The following CLDN14 variants were observed in gnomAD, a reference collection of about 807,000 sequenced individuals.
CLDN14 encodes claudin-14.
In CLDN14, 2 loss-of-function variants were observed where a neutral mutation model predicts 2.1. The observed-to-expected ratio is 0.96, with a 90% CI of 0.39 to 3.01. The LOEUF (loss-of-function observed/expected upper bound fraction) is 3.01. Among genes scored for constraint, CLDN14 ranks in the 30% most tolerant of loss-of-function variants. CLDN14 has a pLI of 0.09. For missense variants in CLDN14, 298 were observed against 328.0 expected (o/e 0.91, Z 0.71); for synonymous variants, 136 against 154.4 (o/e 0.88, Z 0.88).
At chr21:36,541,167 G>A (rs2835389) in intron 1 of CLDN14, among the ~76,000 whole-genome samples, 73,259 of 152,050 alleles carry the variant, frequency 0.48, 19,803 homozygotes, top group Middle Eastern at 0.62. Flanking sequence ...GAACATGGAA[G>A]TCAACAGTAA....
intron 2 of CLDN14, among the ~76,000 whole-genome samples, chr21:36,488,460 C>T (rs1272611694): frequency 2.0e-5 from 3 of 151,942 alleles, no homozygotes; most frequent in Non-Finnish European, 2.9e-5. Context: ...TTAGTAGAGA[C>T]GGGGTTTCAC....
At position 36,507,634 on chromosome 21, in the gene CLDN14, C is replaced by T. The variant is rs369637472; in HGVS notation, c.-82+2729G>A. ...CAAAAATTAGTTGGGTGTGGTGGCACGCACGTGTAATCCCAGCTACTTGGC... is the reference window on the plus strand; with the variant it reads ...CAAAAATTAGTTGGGTGTGGTGGCATGCACGTGTAATCCCAGCTACTTGGC... On this transcript the variant is annotated intron_variant, in intron 2 of 2. Coordinates refer to the CLDN14 transcript ENST00000342108. Among the ~76,000 whole-genome samples, 7 of 152,170 alleles carry T rather than the reference C, an allele frequency of 4.6e-5. No homozygotes were observed. In the South Asian group the frequency reaches 1.0e-3, roughly 23 times the overall value.
intron 1 of CLDN14, among the ~76,000 whole-genome samples, chr21:36,478,722 C>A (rs150743822): frequency 6.6e-6 from 1 of 152,152 alleles, no homozygotes; most frequent in Non-Finnish European, 1.5e-5. Context: ...TTGAACACTG[C>A]GGGAATTAAA....
intron 1 of CLDN14, among the ~76,000 whole-genome samples, chr21:36,469,511 G>C (rs927182629): frequency 2.0e-5 from 3 of 152,220 alleles, no homozygotes; most frequent in South Asian, 2.1e-4. Context: ...GAAAACCAAT[G>C]TGAAGTATCT....
rs1489593107 is a variant in CLDN14 at position 36,461,438 on chromosome 21, G to T, written c.258C>A (p.Ile86=). 2 of 1,613,390 alleles carry T rather than the reference G, an allele frequency of 1.2e-6. No individual in the cohort carries two copies. Among genetic ancestry groups the T allele is most frequent in the East Asian group, 4.5e-5 (2 of 44,882 alleles). Residue 86 remains isoleucine (I), a synonymous_variant, in exon 2 of 2, where the codon ATC becomes ATA. Coordinates refer to ENST00000399135, the MANE Select transcript of CLDN14 (RefSeq NM_001146079.2). ...DLQAARALMV[I]SCLLSGIACA... ...AGGCTATGCCCGAGAGCAGGCAGGA[G>T]ATGACCATGAGGGCGCGGGCAGCCT... is the stretch of plus-strand genomic sequence containing the variant.
At chr21:36,490,981 CA>C (rs1478499193) in intron 2 of CLDN14, among the ~76,000 whole-genome samples, 14 of 150,488 alleles carry the variant, frequency 9.3e-5, no homozygotes, top group African/African-American at 2.2e-4. Flanking sequence ...CACACACACA[CA>C]CACACACCCC....
At chr21:36,570,561 G>A (rs1287924179) in intron 1 of CLDN14, among the ~76,000 whole-genome samples, 2 of 152,116 alleles carry the variant, frequency 1.3e-5, no homozygotes, top group African/African-American at 4.8e-5. Context: ...AACAAGGACG[G>A]CAAACAAAAT....
At chr21:36,529,267 C>A (rs1404991568) in intron 1 of CLDN14, among the ~76,000 whole-genome samples, 1 of 152,206 alleles carries the variant, frequency 6.6e-6, no homozygotes, top group East Asian at 1.9e-4. Flanking sequence ...ATACCCACCT[C>A]CTGTGCAGGT....
chr21:36,535,463 T>C (rs1736919754), intron 1 of CLDN14, among the ~76,000 whole-genome samples: 1 of 152,032 alleles, frequency 6.6e-6, no homozygotes, highest in South Asian at 2.1e-4. Context: ...CACATGGTAA[T>C]GGAAAAAAGC....
At chr21:36,560,174 A>G (rs1036467617) in intron 1 of CLDN14, among the ~76,000 whole-genome samples, 2 of 151,904 alleles carry the variant, frequency 1.3e-5, no homozygotes, top group Non-Finnish European at 2.9e-5. Flanking sequence ...TCAAATACTT[A>G]TACACATTTT....
At chr21:36,539,111 A>T (rs2087457527) in intron 1 of CLDN14, among the ~76,000 whole-genome samples, 1 of 152,254 alleles carries the variant, frequency 6.6e-6, no homozygotes, top group Admixed American at 6.5e-5. Context: ...AATTTAAGAG[A>T]TGCCGAGAAT....
At chr21:36,533,136 C>T (rs552378890) in intron 1 of CLDN14, among the ~76,000 whole-genome samples, 2 of 152,278 alleles carry the variant, frequency 1.3e-5, no homozygotes, top group African/African-American at 4.8e-5. Context: ...TCGGTGGGGC[C>T]GGTCGGTAAT....
At chr21:36,526,456 T>C (rs1306662636) in intron 1 of CLDN14, 2 of 152,142 alleles carry the variant, frequency 1.3e-5, no homozygotes, top group Non-Finnish European at 2.9e-5. Flanking sequence ...ACTCAGAACA[T>C]CTGCTCCTCA....
rs1265122284 is a variant in CLDN14, at chr21:36,499,466, T to G, written c.-82+10897A>C. Among the ~76,000 whole-genome samples, 1 of 152,200 alleles carries G rather than the reference T, an allele frequency of 6.6e-6. No homozygotes were observed. Among genetic ancestry groups the G allele is most frequent in the Non-Finnish European group, 1.5e-5 (1 of 68,044 alleles). ...TTATGAATGGAGGATTGAGTGCATT[T>G]AGGCTATTAGTAGAAAGTGATCAAG... On this transcript the variant is annotated intron_variant, in intron 2 of 2. Transcript: ENST00000342108. The surrounding 1 kb of genome is among the most constrained non-coding windows in gnomAD (Gnocchi z 4.7).
At chr21:36,466,885 T>C (rs1483116027) in intron 1 of CLDN14, among the ~76,000 whole-genome samples, 1 of 152,118 alleles carries the variant, frequency 6.6e-6, no homozygotes, top group Non-Finnish European at 1.5e-5. Context: ...ATTAGGTAAA[T>C]ACCCCTATTC....
chr21:36,494,814 C>G (rs117300590), intron 2 of CLDN14, among the ~76,000 whole-genome samples: 1 of 152,346 alleles, frequency 6.6e-6, no homozygotes, highest in Non-Finnish European at 1.5e-5. Context: ...CAATAAATGC[C>G]TGTTGTTTAA....
upstream of CLDN14, chr21:36,480,399 C>T (rs147647931): frequency 6.6e-6 from 1 of 152,338 alleles, no homozygotes; most frequent in African/African-American, 2.4e-5. Context: ...AAGGTCAAGA[C>T]ACTTGCTTGA....
intron 1 of CLDN14, among the ~76,000 whole-genome samples, chr21:36,539,382 GTGGAGT>G: frequency 6.9e-6 from 1 of 144,434 alleles, no homozygotes; most frequent in Non-Finnish European, 1.5e-5. Context: ...GTGAGTGTGT[GTGGAGT>G]GAGTGTGTGT....
chr21:36,469,384 C>A (rs1405271754), intron 1 of CLDN14, among the ~76,000 whole-genome samples: 1 of 152,088 alleles, frequency 6.6e-6, no homozygotes, highest in Non-Finnish European at 1.5e-5. Flanking sequence ...TGAGGACTTT[C>A]TATACCATCC....
Sources: gnomAD v4.1 joint callset for allele counts (sites outside exome capture counted in the v4.1 genomes callset) on GRCh38, gnomAD v4.1.1 for gene constraint, Gnocchi (gnomAD v3.1) non-coding constraint, MANE v1.5 for transcripts, NCBI Gene and HGNC (gene_info 2026-07-23, HGNC 2026-07-21) for gene names.